Variants in PLEKHA8 observed in about 807,000 individuals in gnomAD.
PLEKHA8 encodes the protein pleckstrin homology domain-containing family A member 8.
A neutral mutation model predicts 68.2 loss-of-function variants in PLEKHA8; 36 were observed. The ratio of observed to expected loss-of-function variants is 0.53; its 90% confidence interval spans 0.40 to 0.70. PLEKHA8 has a LOEUF of 0.70. PLEKHA8 is among the 30% of genes least tolerant of loss of function. The pLI is 0.00. For missense variants in PLEKHA8, 505 were observed against 615.4 expected, an observed-to-expected ratio of 0.82 and a Z score of 1.90; for synonymous variants, 211 against 216.1, an observed-to-expected ratio of 0.98 and a Z score of 0.20.
intron 13 of PLEKHA8, among the ~76,000 whole-genome samples, chr7:30,099,370 C>A (rs925624004): frequency 2.6e-5 from 4 of 152,194 alleles, no homozygotes; most frequent in Admixed American, 2.0e-4. Flanking sequence ...ATAAGACATA[C>A]TCTTGAAAAA....
intron 1 of PLEKHA8, among the ~76,000 whole-genome samples, chr7:30,037,768 A>C (rs539511406): frequency 5.6e-4 from 85 of 151,606 alleles, no homozygotes; most frequent in Middle Eastern, 3.4e-3. Context: ...GCATTTCTAC[A>C]CAACAGTAGT....
chr7:30,042,065 A>G (rs1791582590), intron 1 of PLEKHA8, among the ~76,000 whole-genome samples: 1 of 152,216 alleles, frequency 6.6e-6, no homozygotes, highest in African/African-American at 2.4e-5. Context: ...GCCTTATCCA[A>G]TCAGTTAAAG....
At position 30,082,333 on chromosome 7, in the gene PLEKHA8, T is replaced by C. The variant is rs57802735; in HGVS notation, c.*3546T>C. The C allele has an allele frequency of 7.5e-3, 7,417 of 985,466 alleles. 331 individuals carry two copies. In the African/African-American group the frequency reaches 0.096, roughly 13 times the overall value. The allele number at this position is 985,466 out of a possible 1,614,324, so 61.0% of individuals were successfully genotyped here. A position where few individuals can be genotyped will look rare whatever the true frequency, so the allele number is the denominator to read the frequency against. On this transcript the variant is annotated 3_prime_UTR_variant, in exon 14 of 14. Coordinates refer to ENST00000449726, the MANE Select transcript of PLEKHA8 (RefSeq NM_001197026.2). ...AGCACACCAAATCTACCCCCACTTA[T>C]GTTTGTTCTGCCCCATTTCCCAGGA...
At chr7:30,042,196 A>T (rs1791596349) in intron 1 of PLEKHA8, among the ~76,000 whole-genome samples, 1 of 152,074 alleles carries the variant, frequency 6.6e-6, no homozygotes, top group South Asian at 2.1e-4. Flanking sequence ...GCTAGCATGG[A>T]ACTTAACCGT....
Position 30,082,202 on chromosome 7 carries a change from T to A in PLEKHA8, c.*3415T>A. On this transcript the variant is annotated 3_prime_UTR_variant, in exon 14 of 14. Transcript: ENST00000449726. ...TGCATGTTATTCTGATTATTAAACT[T>A]CCCCCAATGTCATATTCCATGATGA... is the stretch of plus-strand genomic sequence containing the variant. The A allele has an allele frequency of 6.1e-6, 6 of 985,326 alleles. No individual in the cohort carries two copies. Among genetic ancestry groups the A allele is most frequent in the Non-Finnish European group, 6.0e-6 (5 of 829,906 alleles). The allele number at this position is 985,326 out of a possible 1,614,324, so 61.0% of individuals were successfully genotyped here. A position where few individuals can be genotyped will look rare whatever the true frequency, so the allele number is the denominator to read the frequency against.
At chr7:30,086,558 C>T (rs1211561025), downstream of PLEKHA8, among the ~76,000 whole-genome samples, 1 of 152,184 alleles carries the variant, frequency 6.6e-6, no homozygotes, top group African/African-American at 2.4e-5. Flanking sequence ...GTACAGCTGC[C>T]TTGTGGTCAT....
Position 30,076,753 on chromosome 7 carries a change from T to A in PLEKHA8, c.1363-1837T>A, listed in dbSNP as rs75626199. ...TAGAGGAGTTAATTCTGTAGCTAGA[T>A]TGGCCTTTTCACCCTATTACTCTCC... On this transcript the variant is annotated intron_variant, in intron 13 of 13. Coordinates refer to ENST00000449726, the MANE Select transcript of PLEKHA8 (RefSeq NM_001197026.2). 3.9e-5 allele frequency among the ~76,000 whole-genome samples: 6 copies of A among 152,316 alleles called. No homozygotes were observed. The East Asian group carries it at 1.2e-3, about 29-fold the overall frequency.
chr7:30,054,254 T>C (rs921940006), intron 7 of PLEKHA8, among the ~76,000 whole-genome samples: 2 of 152,230 alleles, frequency 1.3e-5, no homozygotes, highest in Non-Finnish European at 2.9e-5. Flanking sequence ...TTCACCACTT[T>C]GCACGTGTCC....
chr7:30,127,211 C>T (rs181462598), intron 13 of PLEKHA8, among the ~76,000 whole-genome samples: 1 of 152,256 alleles, frequency 6.6e-6, no homozygotes, highest in African/African-American at 2.4e-5. Context: ...CTAAAGTTGA[C>T]GTTACTTATG....
At chr7:30,052,986 G>A (rs1792546917) in intron 7 of PLEKHA8, 120 bp downstream of exon 7, 3 of 765,560 alleles carry the variant, frequency 3.9e-6, no homozygotes, top group Non-Finnish European at 5.9e-6. Flanking sequence ...TGCTAAGGAG[G>A]ATATTGGCTG....
downstream of PLEKHA8, among the ~76,000 whole-genome samples, chr7:30,092,908 C>T (rs1444924647): frequency 6.6e-6 from 1 of 152,206 alleles, no homozygotes; most frequent in Non-Finnish European, 1.5e-5. Context: ...GGGCCACCTC[C>T]ATGCTTGCTT....
intron 13 of PLEKHA8, among the ~76,000 whole-genome samples, chr7:30,109,934 T>G (rs1796215176): frequency 1.3e-5 from 2 of 152,138 alleles, no homozygotes; most frequent in South Asian, 4.1e-4. Flanking sequence ...GTTTTTTCAC[T>G]AATAACTTTT....
intron 13 of PLEKHA8, among the ~76,000 whole-genome samples, chr7:30,098,895 T>A (rs946856941): frequency 6.6e-6 from 1 of 152,192 alleles, no homozygotes; most frequent in African/African-American, 2.4e-5. Flanking sequence ...AAATCACCCG[T>A]CTTCTGCGTC....
intron 13 of PLEKHA8, chr7:30,129,197 G>A: frequency 6.2e-7 from 1 of 1,610,020 alleles, no homozygotes; most frequent in Non-Finnish European, 8.5e-7. Flanking sequence ...GAAGTTGCTG[G>A]TTGGGACTAA....
chr7:30,050,371 A>T, intron 5 of PLEKHA8, 63 bp from the exon 6 acceptor site: 1 of 1,516,438 alleles, frequency 6.6e-7, no homozygotes, highest in East Asian at 2.4e-5. Context: ...ATGTAATAAG[A>T]TCATAAATAT....
chr7:30,032,875 G>A (rs144916262), intron 1 of PLEKHA8, among the ~76,000 whole-genome samples: 144 of 152,354 alleles, frequency 9.5e-4, no homozygotes, highest in African/African-American at 3.5e-3. Flanking sequence ...GCCGAAGGCT[G>A]CTTGTGCCTC....
intron 13 of PLEKHA8, among the ~76,000 whole-genome samples, chr7:30,075,432 C>A (rs932819477): frequency 1.3e-5 from 2 of 152,108 alleles, no homozygotes; most frequent in Non-Finnish European, 2.9e-5. Flanking sequence ...TATCTTAATT[C>A]TCAGGATTAA....
At chr7:30,126,012 C>A (rs1796765785) in intron 13 of PLEKHA8, among the ~76,000 whole-genome samples, 1 of 151,994 alleles carries the variant, frequency 6.6e-6, no homozygotes, top group Non-Finnish European at 1.5e-5. Context: ...CACCCCTCAT[C>A]TGACCTGTCA....
chr7:30,049,212 G>C lies in PLEKHA8; in HGVS notation c.439-12G>C. ...CAAGGTAAAGGAGTCTTCCACTCTG[G>C]TTGTTTCGTAGGAGGGAATTGATGT... On this transcript the variant is annotated splice_polypyrimidine_tract_variant and intron_variant, in intron 4 of 13. Transcript: ENST00000449726. 1.2e-6 allele frequency: 2 copies of C among 1,613,608 alleles called. No individual in the cohort carries two copies. The highest frequency in any genetic ancestry group is 1.7e-6 in the Non-Finnish European group (2 of 1,179,970).
Sources: gnomAD v4.1 joint callset for allele counts (sites outside exome capture counted in the v4.1 genomes callset) on GRCh38, gnomAD v4.1.1 for gene constraint, MANE v1.5 for transcripts, NCBI Gene and HGNC (gene_info 2026-07-23, HGNC 2026-07-21) for gene names.